ZBTB45: variants seen among roughly 807,000 people sequenced by gnomAD.
The protein encoded by ZBTB45 is zinc finger and BTB domain containing 45.
In ZBTB45, 22 loss-of-function variants were observed where a neutral mutation model predicts 28.4. The ratio of observed to expected loss-of-function variants is 0.77; its 90% CI spans 0.55 to 1.10. The LOEUF (loss-of-function observed/expected upper bound fraction) is 1.10. Among genes scored for constraint, ZBTB45 ranks in the 50% least tolerant of loss-of-function variants. The pLI is 0.00. For missense variants in ZBTB45, 656 were observed against 750.2 expected (o/e 0.87, Z 1.47); for synonymous variants, 361 against 332.3 (o/e 1.09, Z -0.94).
intron 1 of ZBTB45, 71 bp downstream of exon 1, chr19:58,519,671 G>A (rs1287254214): frequency 6.5e-6 from 1 of 152,732 alleles, no homozygotes; most frequent in East Asian, 1.9e-4. Flanking sequence ...GCGGAGCGCA[G>A]GTGCCCCTCC....
At chr19:58,521,072 AAAAAAAAAAAG>A, upstream of ZBTB45, among the ~76,000 whole-genome samples, 1 of 140,128 alleles carries the variant, frequency 7.1e-6, no homozygotes, top group Non-Finnish European at 1.5e-5. Context: ...AAAAAAAAAA[AAAAAAAAAAAG>A]GCCGGGCGCG....
chr19:58,523,732 G>A (rs1217010907), upstream of ZBTB45, among the ~76,000 whole-genome samples: 2 of 138,678 alleles, frequency 1.4e-5, no homozygotes, highest in African/African-American at 5.3e-5. Flanking sequence ...GTGCAGTGGC[G>A]CAATCCTGGC....
At chr19:58,534,482 T>C (rs1038998343) in intron 1 of ZBTB45, among the ~76,000 whole-genome samples, 42 of 151,626 alleles carry the variant, frequency 2.8e-4, no homozygotes, top group African/African-American at 1.0e-3. Context: ...CTCTGATTCC[T>C]TGGTTCAAGC....
intron 1 of ZBTB45, among the ~76,000 whole-genome samples, chr19:58,527,514 C>T (rs2053614138): frequency 6.6e-6 from 1 of 152,088 alleles, no homozygotes; most frequent in Non-Finnish European, 1.5e-5. Flanking sequence ...AGTCTTGGTC[C>T]CTGCCCTCTC....
chr19:58,536,272 T>C (rs1404986502), intron 1 of ZBTB45, among the ~76,000 whole-genome samples: 1 of 152,024 alleles, frequency 6.6e-6, no homozygotes, highest in African/African-American at 2.4e-5. Flanking sequence ...GAGACCATCC[T>C]GGCTAACACG....
intron 1 of ZBTB45, among the ~76,000 whole-genome samples, chr19:58,532,086 G>C (rs1424297212): frequency 2.0e-5 from 3 of 152,016 alleles, no homozygotes; most frequent in African/African-American, 7.3e-5. Context: ...AAACAGAAGG[G>C]GCGAGGGCAC....
At position 58,528,687 on chromosome 19, in the gene ZBTB45, G is replaced by T. The variant is rs1431390460; in HGVS notation, c.-1+10014C>A. Among the ~76,000 whole-genome samples the T allele has an allele frequency of 2.6e-5, 4 of 152,182 alleles. No homozygotes were observed. In the South Asian group the frequency reaches 8.3e-4, roughly 32 times the overall value. On this transcript the variant is annotated intron_variant, in intron 1 of 1. Coordinates refer to the ZBTB45 transcript ENST00000600130. The stretch of plus-strand genomic sequence containing the variant: ...AGGTGGGCGGATCACGAGGTCAGGA[G>T]ATCGAGACCATCCTGGCTAATATGG...
At chr19:58,518,482 T>G (rs905105077) in intron 1 of ZBTB45, among the ~76,000 whole-genome samples, 1 of 152,132 alleles carries the variant, frequency 6.6e-6, no homozygotes, top group Admixed American at 6.5e-5. Context: ...TCTTGCCATC[T>G]CGATGGGGCC....
At chr19:58,535,577 G>A (rs2053655944) in intron 1 of ZBTB45, among the ~76,000 whole-genome samples, 1 of 152,148 alleles carries the variant, frequency 6.6e-6, no homozygotes, top group Non-Finnish European at 1.5e-5. Flanking sequence ...AGAGGTTGCA[G>A]TGAGCAGAGA....
intron 1 of ZBTB45, among the ~76,000 whole-genome samples, chr19:58,518,778 G>C (rs1214156596): frequency 1.3e-5 from 2 of 152,104 alleles, no homozygotes; most frequent in African/African-American, 4.8e-5. Flanking sequence ...CAGTCTAAGG[G>C]AGGAGGGTAG....
intron 1 of ZBTB45, among the ~76,000 whole-genome samples, chr19:58,518,050 T>G (rs1218583675): frequency 7.9e-6 from 1 of 127,080 alleles, no homozygotes; most frequent in Admixed American, 8.3e-5. Context: ...CCTCCCCATG[T>G]GCCCCTCCAA....
intron 1 of ZBTB45, among the ~76,000 whole-genome samples, chr19:58,528,291 G>A (rs1050478699): frequency 2.6e-5 from 4 of 152,004 alleles, no homozygotes; most frequent in Non-Finnish European, 4.4e-5. Context: ...ACACCCAGGC[G>A]CTCATTAAAA....
chr19:58,514,014 G>A lies in ZBTB45; in HGVS notation c.*40C>T, dbSNP rs757217691. The A allele has an allele frequency of 6.0e-4, 831 of 1,374,694 alleles. 1 individual carries two copies. The highest frequency in any genetic ancestry group is 7.6e-4 in the Non-Finnish European group (811 of 1,070,530). The allele number at this position is 1,374,694 out of a possible 1,614,324, so 85.2% of individuals were successfully genotyped here. A position where few individuals can be genotyped will look rare whatever the true frequency, so the allele number is the denominator to read the frequency against. ...GCGGGCGTGGCCGACTGTGCGGGAGGCCCCGGATCCACCGTGGGCGAGGCC... is the reference window on the plus strand; with the variant it reads ...GCGGGCGTGGCCGACTGTGCGGGAGACCCCGGATCCACCGTGGGCGAGGCC... On this transcript the variant is annotated 3_prime_UTR_variant, in exon 3 of 3. Transcript: ENST00000594051.
Position 58,516,384 on chromosome 19 carries a change from C to T in ZBTB45, c.1279+11G>A. On this transcript the variant is annotated intron_variant, in intron 2 of 2. Transcript: ENST00000594051. The surrounding 1 kb of genome is among the most constrained non-coding windows in gnomAD (Gnocchi z 6.2). ...AGAGATTGCTCCCTCTCCTCCCCCG[C>T]CCTGGCTCACCCGAGTGGATGAACA... The T allele has an allele frequency of 6.2e-7, 1 of 1,613,940 alleles. No homozygotes were observed. The highest frequency in any genetic ancestry group is 8.5e-7 in the Non-Finnish European group (1 of 1,179,848).
rs2053448463 is a variant in ZBTB45, at chr19:58,513,879, G to C, written c.*175C>G. On this transcript the variant is annotated 3_prime_UTR_variant, in exon 3 of 3. Transcript: ENST00000594051. ...ACCTGGAGGGTTCAAGTACATGGAG[G>C]AGAGGAGTAAGGCGGACTTAGGCCC... 3 of 769,226 alleles carry C rather than the reference G, an allele frequency of 3.9e-6. No individual in the cohort carries two copies. Among genetic ancestry groups the C allele is most frequent in the Non-Finnish European group, 5.5e-6 (3 of 541,554 alleles). 47.7% of individuals were successfully genotyped at this position (769,226 alleles called of 1,614,324 possible). A position where few individuals can be genotyped will look rare whatever the true frequency, so the allele number is the denominator to read the frequency against.
chr19:58,516,534 G>C lies in ZBTB45; in HGVS notation c.1140C>G (p.Pro380=). The change falls in exon 2 of 3, where the codon CCC becomes CCG. Residue 380 remains proline, a synonymous_variant. Coordinates refer to ENST00000594051, the MANE Select transcript of ZBTB45 (RefSeq NM_001316979.2). This position sits in a 1 kb window ranked among gnomAD's most constrained non-coding sequence, Gnocchi z 6.2. ...AGGGGGCCGTGGTGGGAGCAGCAGA[G>C]GGAGCCGGGACCTCCCCCAGCTGAG... ...PSTQLGEVPA[P]SAAPTTAPSG... is the part of the protein sequence containing the mutation. The C allele has an allele frequency of 6.2e-7, 1 of 1,611,140 alleles. No individual in the cohort carries two copies.
intron 1 of ZBTB45, among the ~76,000 whole-genome samples, chr19:58,529,644 A>G (rs1011056036): frequency 6.6e-6 from 1 of 152,174 alleles, no homozygotes; most frequent in East Asian, 1.9e-4. Flanking sequence ...GTTCTGTGAT[A>G]CATGTGCAGA....
intron 2 of ZBTB45, among the ~76,000 whole-genome samples, chr19:58,514,769 C>G (rs555434648): frequency 1.3e-5 from 2 of 152,278 alleles, no homozygotes; most frequent in Non-Finnish European, 2.9e-5. Flanking sequence ...CCCCTACCCA[C>G]CCGGCACAGG....
chr19:58,519,815 G>A (rs2053562751), upstream of ZBTB45: 1 of 152,416 alleles, frequency 6.6e-6, no homozygotes, highest in African/African-American at 2.4e-5. Flanking sequence ...CGCACTTCCG[G>A]GCCGTTACCC....
Sources: gnomAD v4.1 joint callset for allele counts (sites outside exome capture counted in the v4.1 genomes callset) on GRCh38, gnomAD v4.1.1 for gene constraint, Gnocchi (gnomAD v3.1) non-coding constraint, MANE v1.5 for transcripts, NCBI Gene and HGNC (gene_info 2026-07-23, HGNC 2026-07-21) for gene names.